Variants in NR3C1 observed in about 807,000 individuals in gnomAD.
NR3C1 encodes the protein nuclear receptor subfamily 3 group C member 1, also known as glucocorticoid receptor.
NR3C1 carries 14 observed loss-of-function variants against 74.0 expected under a neutral mutation model. The observed-to-expected ratio is 0.19, with a 90% CI of 0.12 to 0.30. NR3C1 has a LOEUF of 0.30. Ranked by LOEUF, NR3C1 falls within the 10% of genes least tolerant of loss-of-function variation. The pLI, the probability that NR3C1 is intolerant of heterozygous loss-of-function variation, is 1.00. For synonymous variants in NR3C1, 308 were observed against 332.5 expected, an observed-to-expected ratio of 0.93 and a Z score of 0.80; for missense variants, 695 against 909.8, an observed-to-expected ratio of 0.76 and a Z score of 3.04.
intron 2 of NR3C1, among the ~76,000 whole-genome samples, chr5:143,374,197 CAT>C (rs1016372194): frequency 1.3e-5 from 2 of 152,082 alleles, no homozygotes; most frequent in Non-Finnish European, 2.9e-5. Flanking sequence ...GGCTTAAAAA[CAT>C]AGTGAGTAAA....
At chr5:143,302,329 CT>C (rs1187164697) in intron 4 of NR3C1, among the ~76,000 whole-genome samples, 7 of 152,032 alleles carry the variant, frequency 4.6e-5, no homozygotes, top group Admixed American at 1.3e-4. Context: ...GATATCACAA[CT>C]TAATAGAGGA....
At chr5:143,430,611 C>T (rs1026523381) in intron 1 of NR3C1, among the ~76,000 whole-genome samples, 4 of 152,134 alleles carry the variant, frequency 2.6e-5, no homozygotes, top group African/African-American at 9.7e-5. Context: ...GAAAGAGTCT[C>T]GGAAGAGCTC....
chr5:143,351,816 G>C (rs58246208), intron 2 of NR3C1, among the ~76,000 whole-genome samples: 36 of 152,258 alleles, frequency 2.4e-4, no homozygotes, highest in African/African-American at 8.2e-4. Context: ...GTTCCTAATT[G>C]AAAGATGGTA....
intron 2 of NR3C1, among the ~76,000 whole-genome samples, chr5:143,379,081 A>AC (rs935894082): frequency 6.6e-6 from 1 of 152,150 alleles, no homozygotes; most frequent in African/African-American, 2.4e-5. Context: ...ACAGGAAAAT[A>AC]CCCCCAGTGA....
At chr5:143,304,664 C>T (rs1163222797) in intron 4 of NR3C1, among the ~76,000 whole-genome samples, 1 of 151,990 alleles carries the variant, frequency 6.6e-6, no homozygotes, top group Non-Finnish European at 1.5e-5. Flanking sequence ...AACTATACTA[C>T]AGGCTATAGT....
chr5:143,299,318 A>G (rs1174216426), intron 5 of NR3C1, among the ~76,000 whole-genome samples: 1 of 148,894 alleles, frequency 6.7e-6, no homozygotes, highest in Non-Finnish European at 1.5e-5. Flanking sequence ...CCAGCCCCCT[A>G]GGTGCTTTTT....
At chr5:143,303,692 C>T (rs1268916564) in intron 4 of NR3C1, among the ~76,000 whole-genome samples, 1 of 152,106 alleles carries the variant, frequency 6.6e-6, no homozygotes, top group Non-Finnish European at 1.5e-5. Context: ...CAACAAAACA[C>T]TAGCAAACTG....
Position 143,399,639 on chromosome 5 carries a change from A to G in NR3C1, c.1184+17T>C. On this transcript the variant is annotated intron_variant, in intron 2 of 8. Transcript: ENST00000394464. ...TAAATGTACCATTCTTAAGAAACAG[A>G]AAAACACTGATCTTACCTTGAATAG... The G allele has an allele frequency of 6.4e-7, 1 of 1,553,308 alleles. No homozygotes were observed. Among genetic ancestry groups the G allele is most frequent in the South Asian group, 1.1e-5 (1 of 89,888 alleles).
chr5:143,309,024 T>C (rs1484503050), intron 4 of NR3C1, among the ~76,000 whole-genome samples: 1 of 152,130 alleles, frequency 6.6e-6, no homozygotes, highest in African/African-American at 2.4e-5. Flanking sequence ...ATACAACTTG[T>C]TATATAAACA....
At chr5:143,391,981 T>C (rs1226843847) in intron 2 of NR3C1, among the ~76,000 whole-genome samples, 1 of 152,126 alleles carries the variant, frequency 6.6e-6, no homozygotes, top group Non-Finnish European at 1.5e-5. Context: ...TTTTCTTTTT[T>C]TTGAGACGGA....
At chr5:143,332,495 C>T (rs1826186565) in intron 2 of NR3C1, 2 of 580,322 alleles carry the variant, frequency 3.4e-6, no homozygotes, top group Non-Finnish European at 6.0e-6. Context: ...AGCAAACCAC[C>T]ATGGCCACAT....
intron 1 of NR3C1, among the ~76,000 whole-genome samples, chr5:143,410,579 G>A (rs1841258011): frequency 6.6e-6 from 1 of 152,122 alleles, no homozygotes; most frequent in African/African-American, 2.4e-5. Flanking sequence ...TTACTTGAAT[G>A]AGCCTGGGGT....
intron 2 of NR3C1, 94 bp from the exon 3 acceptor site, chr5:143,314,262 A>C: frequency 7.5e-7 from 1 of 1,339,344 alleles, no homozygotes; most frequent in Non-Finnish European, 1.1e-6. Context: ...CAGAATGCTC[A>C]CAGTGAACTC....
At position 143,424,075 on chromosome 5, in the gene NR3C1, G is replaced by C. The variant is rs1751393391; in HGVS notation, c.-14+10457C>G. On this transcript the variant is annotated intron_variant, in intron 1 of 8. Transcript: ENST00000343796. ...TGGGGACTGTTGTGGGGTGTGGGGA[G>C]GGGGGAGGGATAGCATTGGGAGATA... Among the ~76,000 whole-genome samples the C allele has an allele frequency of 4.1e-5, 6 of 147,540 alleles. No individual in the cohort carries two copies. The South Asian group carries it at 1.4e-3, about 33-fold the overall frequency.
In NR3C1 at chr5:143,330,766, C is replaced by T. The variant is rs117491668; in HGVS notation, c.1185-16598G>A. 1.0e-3 allele frequency among the ~76,000 whole-genome samples: 153 copies of T among 152,220 alleles called. 3 individuals carry two copies. The East Asian group carries it at 0.022, about 22-fold the overall frequency. ...TTACCAACATAATTTTTAGAGTTGT[C>T]ACTTTCAACAAAATCATCCCTGAAA... On this transcript the variant is annotated intron_variant, in intron 2 of 8. Coordinates refer to ENST00000394464, the MANE Select transcript of NR3C1 (RefSeq NM_000176.3).
chr5:143,400,335 G>A lies in NR3C1; in HGVS notation c.505C>T (p.His169Tyr), dbSNP rs1374690810. ...THSDVSSEQQHLKGQTGTNGG... is the reference protein window; with the variant it reads ...THSDVSSEQQYLKGQTGTNGG... ...TTGGTGCCAGTCTGGCCCTTCAAATGTTGCTGTTCTGAAGATACATCAGAG... is the reference window on the plus strand; with the variant it reads ...TTGGTGCCAGTCTGGCCCTTCAAATATTGCTGTTCTGAAGATACATCAGAG... Residue 169 changes from histidine to tyrosine, a missense_variant, in exon 2 of 9, where the codon CAT (histidine) becomes TAT (tyrosine). Around this residue, in one of 4 missense-constraint regions of NR3C1, gnomAD observed 497 missense variants for 489.5 expected, o/e 1.02. Coordinates refer to ENST00000394464, the MANE Select transcript of NR3C1 (RefSeq NM_000176.3). The A allele has an allele frequency of 6.8e-6, 11 of 1,613,276 alleles. No homozygotes were observed. The highest frequency in any genetic ancestry group is 4.0e-5 in the African/African-American group (3 of 74,820).
chr5:143,364,334 A>G (rs1303732899), intron 2 of NR3C1, among the ~76,000 whole-genome samples: 1 of 152,222 alleles, frequency 6.6e-6, no homozygotes, highest in Non-Finnish European at 1.5e-5. Context: ...ACATTCCCAG[A>G]TAACAAAAAC....
Position 143,400,519 on chromosome 5 carries a change from C to G in NR3C1, c.321G>C (p.Gln107His). The G allele has an allele frequency of 6.2e-7, 1 of 1,614,228 alleles. No homozygotes were observed. Among genetic ancestry groups the G allele is most frequent in the Non-Finnish European group, 8.5e-7 (1 of 1,180,050 alleles). Residue 107 changes from glutamine to histidine, a missense_variant, in exon 2 of 9, where the codon CAG (glutamine) becomes CAC (histidine). Gln to His is a conservative substitution (Grantham distance 24). Transcript: ENST00000394464. ...CCCCCGAGGAAAGGCTGATTTGGCC[C>G]TGCTGTGGGAATCCCAGGTCATTTC... is the stretch of plus-strand genomic sequence containing the variant. ...VMGNDLGFPQ[Q>H]GQISLSSGET...
intron 1 of NR3C1, among the ~76,000 whole-genome samples, chr5:143,424,242 AG>A (rs70995003): frequency 7.9e-5 from 12 of 151,900 alleles, no homozygotes; most frequent in Admixed American, 5.9e-4. Flanking sequence ...AATAAAAAAG[AG>A]GGGTGTTTAA....
Sources: gnomAD v4.1 joint callset for allele counts (sites outside exome capture counted in the v4.1 genomes callset) on GRCh38, gnomAD v4.1.1 for gene constraint, gnomAD v4.1.1 regional missense constraint, MANE v1.5 for transcripts, NCBI Gene and HGNC (gene_info 2026-07-23, HGNC 2026-07-21) for gene names.